The following PHLDB2 variants were observed in gnomAD, a reference collection of about 807,000 sequenced individuals.
The protein encoded by PHLDB2 is pleckstrin homology-like domain family B member 2.
PHLDB2 carries 71 observed loss-of-function variants against 123.6 expected under a neutral mutation model. The observed-to-expected ratio is 0.57, with a 90% CI of 0.47 to 0.70. The LOEUF (loss-of-function observed/expected upper bound fraction) is 0.70, where lower values mean the gene tolerates loss of function less well. Ranked by LOEUF, PHLDB2 falls within the 30% of genes least tolerant of loss-of-function variation. The pLI is 0.00. For synonymous variants in PHLDB2, 547 were observed against 541.6 expected (o/e 1.01, Z -0.14); for missense variants, 1,446 against 1,519.5 (o/e 0.95, Z 0.80).
At chr3:111,837,519 C>A (rs534077494) in intron 1 of PHLDB2, among the ~76,000 whole-genome samples, 85 of 152,212 alleles carry the variant, frequency 5.6e-4, no homozygotes, top group African/African-American at 1.4e-3. Context: ...CTGGATTACA[C>A]AAAATTAAGT....
chr3:111,787,254 G>A (rs74850959), intron 1 of PHLDB2, among the ~76,000 whole-genome samples: 20,708 of 152,132 alleles, frequency 0.14, 1,631 homozygotes, highest in African/African-American at 0.2. Flanking sequence ...ATGCTTTTGC[G>A]TTACTGAAGG....
At chr3:111,893,230 A>G (rs2066606731) in intron 2 of PHLDB2, among the ~76,000 whole-genome samples, 1 of 151,454 alleles carries the variant, frequency 6.6e-6, no homozygotes, top group Admixed American at 6.6e-5. Context: ...TCATAGTATT[A>G]ATCTTTTTTT....
At chr3:111,962,457 T>C (rs2071462888) in intron 13 of PHLDB2, 145 bp downstream of exon 13, 1 of 648,872 alleles carries the variant, frequency 1.5e-6, no homozygotes, top group African/African-American at 1.9e-5. Flanking sequence ...AGGGTTGGTA[T>C]CATGATGGCC....
chr3:111,816,273 A>T (rs1378182890), intron 1 of PHLDB2, among the ~76,000 whole-genome samples: 1 of 152,068 alleles, frequency 6.6e-6, no homozygotes, highest in African/African-American at 2.4e-5. Context: ...CATCCTGCAG[A>T]CCCCAGAATG....
At chr3:111,866,349 T>C (rs112789329) in intron 1 of PHLDB2, among the ~76,000 whole-genome samples, 2,616 of 152,164 alleles carry the variant, frequency 0.017, 66 homozygotes, top group African/African-American at 0.053. Flanking sequence ...TAAAGCGAAA[T>C]GCATTACAAA....
In PHLDB2 at chr3:111,962,122, C is replaced by G; in HGVS notation, c.2887C>G (p.Gln963Glu). The G allele has an allele frequency of 6.3e-7, 1 of 1,578,914 alleles. No homozygotes were observed. Among genetic ancestry groups the G allele is most frequent in the Non-Finnish European group, 8.5e-7 (1 of 1,170,694 alleles). ...TCCTTCCTTAGGTTATAATCACCAA[C>G]AGATGAGTGAAGGACACAGGCAGAA... ...RRMLRGYNHQ[Q>E]MSEGHRQKSE... The change falls in exon 13 of 18, where the codon CAG (glutamine) becomes GAG (glutamate). Residue 963 changes from glutamine to glutamate, a missense_variant. By Grantham distance (29) the Gln-to-Glu change is conservative (BLOSUM62 2). Around this residue, in one of 3 missense-constraint regions of PHLDB2, gnomAD observed 594 missense variants for 646.0 expected, o/e 0.92. Transcript: ENST00000431670.
rs761455215 is a variant in PHLDB2 at position 111,948,915 on chromosome 3, T to C, written c.2488-17T>C. 6.2e-7 allele frequency: 1 copy of C among 1,612,874 alleles called. No individual in the cohort carries two copies. The highest frequency in any genetic ancestry group is 1.1e-5 in the South Asian group (1 of 91,034). On this transcript the variant is annotated splice_polypyrimidine_tract_variant and intron_variant, in intron 9 of 17. Coordinates refer to ENST00000431670, the MANE Select transcript of PHLDB2 (RefSeq NM_001134438.2). ...TTTTGCTTTCTTTGTGTTTAACTTC[T>C]GAATTCCTCCTTTTAGGGCTATATC...
intron 2 of PHLDB2, among the ~76,000 whole-genome samples, chr3:111,909,556 C>G (rs755932336): frequency 6.6e-6 from 1 of 152,140 alleles, no homozygotes; most frequent in Non-Finnish European, 1.5e-5. Context: ...TATGAGTGCA[C>G]CACTGTGCTC....
intron 1 of PHLDB2, among the ~76,000 whole-genome samples, chr3:111,831,544 C>T (rs1276012685): frequency 6.6e-6 from 1 of 152,102 alleles, no homozygotes; most frequent in African/African-American, 2.4e-5. Context: ...CTACAACATA[C>T]CACTATAATA....
chr3:111,903,716 G>A (rs1411662462), intron 2 of PHLDB2, among the ~76,000 whole-genome samples: 1 of 152,094 alleles, frequency 6.6e-6, no homozygotes, highest in Non-Finnish European at 1.5e-5. Context: ...GACAAAGAGT[G>A]AGCACCTACT....
At chr3:111,931,541 TTA>T (rs950567979) in intron 5 of PHLDB2, among the ~76,000 whole-genome samples, 1 of 152,226 alleles carries the variant, frequency 6.6e-6, no homozygotes, top group African/African-American at 2.4e-5. Flanking sequence ...CAGTTTATTT[TTA>T]TGTCAGTCGT....
At chr3:111,819,391 C>T (rs921124535) in intron 1 of PHLDB2, among the ~76,000 whole-genome samples, 4 of 152,102 alleles carry the variant, frequency 2.6e-5, no homozygotes, top group Non-Finnish European at 5.9e-5. Flanking sequence ...GGTAGATAAC[C>T]CATCTGAATT....
At chr3:111,967,336 G>A (rs1310929190) in intron 14 of PHLDB2, among the ~76,000 whole-genome samples, 1 of 152,222 alleles carries the variant, frequency 6.6e-6, no homozygotes, top group African/African-American at 2.4e-5. Flanking sequence ...TAAATCACGT[G>A]ATAAGTGCTA....
At chr3:111,846,850 A>G (rs954363308) in intron 2 of PHLDB2, among the ~76,000 whole-genome samples, 1 of 152,212 alleles carries the variant, frequency 6.6e-6, no homozygotes, top group Non-Finnish European at 1.5e-5. Flanking sequence ...TCGAGCAGAC[A>G]TGGAAAATAA....
chr3:111,773,145 C>T (rs2060207198), intron 1 of PHLDB2, among the ~76,000 whole-genome samples: 1 of 152,296 alleles, frequency 6.6e-6, no homozygotes, highest in South Asian at 2.1e-4. Context: ...AATCTCAGTG[C>T]TCTGATAGCA....
At chr3:111,850,212 G>A (rs1030670667) in intron 2 of PHLDB2, among the ~76,000 whole-genome samples, 8 of 152,078 alleles carry the variant, frequency 5.3e-5, no homozygotes, top group East Asian at 3.9e-4. Flanking sequence ...ACTGAAAACC[G>A]TATGTTCTCA....
Position 111,732,573 on chromosome 3 carries a change from G to A in PHLDB2, c.-179G>A, listed in dbSNP as rs1188587074. On this transcript the variant is annotated 5_prime_UTR_variant, in exon 1 of 18. Transcript: ENST00000393923. ...CCTCACCTTCATGCTTGGGGAAAAG[G>A]AGAAACCTGTGTTAATGTGTCTTCC... is the stretch of plus-strand genomic sequence containing the variant. 2.0e-6 allele frequency: 3 copies of A among 1,478,282 alleles called. No individual in the cohort carries two copies. The South Asian group carries it at 3.6e-5, about 18-fold the overall frequency. 91.6% of individuals were successfully genotyped at this position (1,478,282 alleles called of 1,614,324 possible).
At position 111,974,408 on chromosome 3, in the gene PHLDB2, T is replaced by A; in HGVS notation, c.3622-15T>A. ...GATGTTTATTTTACATTCTTTTTCCTTTTTTGAATTTTAGAGTCCTAATCC... is the reference window on the plus strand; with the variant it reads ...GATGTTTATTTTACATTCTTTTTCCATTTTTGAATTTTAGAGTCCTAATCC... On this transcript the variant is annotated splice_polypyrimidine_tract_variant and intron_variant, in intron 17 of 17. Coordinates refer to ENST00000431670, the MANE Select transcript of PHLDB2 (RefSeq NM_001134438.2). 8.9e-6 allele frequency: 14 copies of A among 1,574,454 alleles called. No individual in the cohort carries two copies. Among genetic ancestry groups the A allele is most frequent in the Non-Finnish European group, 1.2e-5 (14 of 1,157,324 alleles).
At chr3:111,766,502 G>A (rs6777540) in intron 1 of PHLDB2, among the ~76,000 whole-genome samples, 74,063 of 150,768 alleles carry the variant, frequency 0.49, 18,593 homozygotes, top group East Asian at 0.6. Context: ...ATTTTTACAC[G>A]TGCATAAAAA....
Sources: allele counts gnomAD v4.1 joint callset (sites outside exome capture counted in the v4.1 genomes callset), GRCh38; gene constraint gnomAD v4.1.1; regional missense constraint gnomAD v4.1.1; transcripts MANE v1.5; gene names NCBI Gene and HGNC (gene_info 2026-07-23, HGNC 2026-07-21).